The following JMJD1C variants were observed in gnomAD, a reference collection of about 807,000 sequenced individuals.
JMJD1C encodes jumonji domain containing 1C.
JMJD1C carries 31 observed loss-of-function variants against 245.3 expected under a neutral mutation model. The observed-to-expected ratio is 0.13, with a 90% CI of 0.09 to 0.17. JMJD1C has a LOEUF of 0.17. Ranked by LOEUF, JMJD1C falls within the 10% of genes least tolerant of loss-of-function variation. The pLI, the probability that JMJD1C is intolerant of heterozygous loss-of-function variation, is 1.00. For missense variants in JMJD1C, 2,691 were observed against 3,000.2 expected (o/e 0.90, Z 2.41); for synonymous variants, 1,057 against 1,017.4 (o/e 1.04, Z -0.74).
chr10:63,230,581 C>A (rs992097502), intron 3 of JMJD1C, among the ~76,000 whole-genome samples: 2 of 151,966 alleles, frequency 1.3e-5, no homozygotes. Flanking sequence ...GTTGCATTCA[C>A]AATGGTAGTT....
At chr10:63,366,014 G>A (rs1327453387) in intron 2 of JMJD1C, among the ~76,000 whole-genome samples, 1 of 152,192 alleles carries the variant, frequency 6.6e-6, no homozygotes, top group Non-Finnish European at 1.5e-5. Flanking sequence ...AATGGGAATG[G>A]TCTGTGCAGG....
At chr10:63,332,423 G>T (rs1775535912) in intron 2 of JMJD1C, among the ~76,000 whole-genome samples, 1 of 152,194 alleles carries the variant, frequency 6.6e-6, no homozygotes, top group Admixed American at 6.5e-5. Context: ...AAACACCTAA[G>T]TATCACCTGT....
chr10:63,373,936 T>C (rs1197003116), intron 2 of JMJD1C, among the ~76,000 whole-genome samples: 14 of 152,188 alleles, frequency 9.2e-5, no homozygotes, highest in Non-Finnish European at 2.1e-4. Flanking sequence ...ACTATTTTCT[T>C]AATTATTACA....
chr10:63,276,899 T>TTTTTTTC (rs1302649486), intron 2 of JMJD1C, among the ~76,000 whole-genome samples: 1 of 134,992 alleles, frequency 7.4e-6, no homozygotes, highest in East Asian at 2.2e-4. Context: ...TTTTTTTTTT[T>TTTTTTTC]TTTGAGAGAG....
At chr10:63,331,197 C>G (rs922901142) in intron 2 of JMJD1C, among the ~76,000 whole-genome samples, 5 of 152,244 alleles carry the variant, frequency 3.3e-5, no homozygotes, top group Admixed American at 2.0e-4. Flanking sequence ...ACTCTGGTTT[C>G]AAACATAACA....
intron 1 of JMJD1C, among the ~76,000 whole-genome samples, chr10:63,471,243 G>A (rs1212636554): frequency 6.6e-6 from 1 of 152,164 alleles, no homozygotes; most frequent in African/African-American, 2.4e-5. Context: ...ATCCATGAAA[G>A]TTCATTAAGT....
At chr10:63,200,360 C>A in intron 11 of JMJD1C, 116 bp downstream of exon 11, 1 of 724,748 alleles carries the variant, frequency 1.4e-6, no homozygotes, top group Admixed American at 2.7e-5. Flanking sequence ...GTTTCCAAAA[C>A]ATGGAGACTC....
chr10:63,337,577 A>G (rs1438194995), intron 2 of JMJD1C, among the ~76,000 whole-genome samples: 44 of 81,778 alleles, frequency 5.4e-4, no homozygotes, highest in African/African-American at 3.3e-3. Context: ...AGAAAAGAAA[A>G]GAAAAGAAAA....
At chr10:63,413,774 T>C (rs1949628179) in intron 1 of JMJD1C, among the ~76,000 whole-genome samples, 1 of 152,158 alleles carries the variant, frequency 6.6e-6, no homozygotes. Flanking sequence ...GATTATAAGC[T>C]GAATGAAAGA....
chr10:63,189,673 T>C (rs1030425035), intron 17 of JMJD1C, among the ~76,000 whole-genome samples: 7 of 152,262 alleles, frequency 4.6e-5, no homozygotes, highest in Admixed American at 2.0e-4. Flanking sequence ...GTCTTTTACA[T>C]TGTTATAGGC....
intron 1 of JMJD1C, among the ~76,000 whole-genome samples, chr10:63,392,909 C>CACA (rs60946505): frequency 6.9e-6 from 1 of 144,940 alleles, no homozygotes; most frequent in Non-Finnish European, 1.5e-5. Context: ...CACACACACA[C>CACA]GTGAGCAAAG....
chr10:63,448,783 G>A (rs1452456444), intron 1 of JMJD1C, among the ~76,000 whole-genome samples: 2 of 152,158 alleles, frequency 1.3e-5, no homozygotes, highest in Non-Finnish European at 2.9e-5. Flanking sequence ...CATTGGGATT[G>A]TATTGAATAG....
chr10:63,429,910 A>G (rs1375219051), intron 1 of JMJD1C, among the ~76,000 whole-genome samples: 1 of 152,234 alleles, frequency 6.6e-6, no homozygotes, highest in Non-Finnish European at 1.5e-5. Context: ...TCCTACTGTG[A>G]GCTACTTGCT....
At chr10:63,441,260 G>A (rs1003179265) in intron 1 of JMJD1C, among the ~76,000 whole-genome samples, 1 of 152,118 alleles carries the variant, frequency 6.6e-6, no homozygotes, top group African/African-American at 2.4e-5. Context: ...GGTGTCCTTG[G>A]ATTCTATTAC....
At position 63,167,751 on chromosome 10, in the gene JMJD1C, T is replaced by C. The variant is rs1841982146; in HGVS notation, c.*294A>G. On this transcript the variant is annotated 3_prime_UTR_variant, in exon 26 of 26. Transcript: ENST00000399262. The stretch of plus-strand genomic sequence containing the variant: ...ATATAGCATAGAATTTTTTATTTTT[T>C]ACCAAAAATAAATACATCATTTTAA... 4.4e-6 allele frequency: 1 copy of C among 229,396 alleles called. No homozygotes were observed. The highest frequency in any genetic ancestry group is 5.2e-5 in the Admixed American group (1 of 19,222). The allele number at this position is 229,396 out of a possible 1,614,324, so 14.2% of individuals were successfully genotyped here.
Position 63,332,684 on chromosome 10 carries a change from T to C in JMJD1C, c.333+47634A>G, listed in dbSNP as rs1942284640. 2.0e-5 allele frequency among the ~76,000 whole-genome samples: 3 copies of C among 152,356 alleles called. No individual in the cohort carries two copies. The South Asian group carries it at 6.2e-4, about 32-fold the overall frequency. ...TGATAAATAGTATCAATGATGATAA[T>C]TATCAATTAGATTTCAAAAAGTAAT... On this transcript the variant is annotated intron_variant, in intron 2 of 25. Transcript: ENST00000399262.
chr10:63,511,177 T>C (rs969234890), intron 1 of JMJD1C, among the ~76,000 whole-genome samples: 6 of 152,358 alleles, frequency 3.9e-5, no homozygotes, highest in Admixed American at 3.3e-4. Flanking sequence ...ATTATTGATA[T>C]AGTCTGGACT....
At chr10:63,408,186 G>A (rs746771302) in intron 1 of JMJD1C, among the ~76,000 whole-genome samples, 51 of 151,994 alleles carry the variant, frequency 3.4e-4, no homozygotes, top group Non-Finnish European at 6.2e-4. Context: ...GGTGGATCAC[G>A]AGGTCAGGAG....
intron 1 of JMJD1C, among the ~76,000 whole-genome samples, chr10:63,489,802 G>A (rs1457875099): frequency 1.2e-4 from 18 of 152,152 alleles, no homozygotes; most frequent in Non-Finnish European, 1.5e-5. Context: ...GTGAGCCACT[G>A]GGTCTGGCCC....
Sources: allele counts gnomAD v4.1 joint callset (sites outside exome capture counted in the v4.1 genomes callset), GRCh38; gene constraint gnomAD v4.1.1; transcripts MANE v1.5; gene names NCBI Gene and HGNC (gene_info 2026-07-23, HGNC 2026-07-21).